PDE8B: variants seen among roughly 807,000 people sequenced by gnomAD.
The protein encoded by PDE8B is phosphodiesterase 8B, also known as high affinity cAMP-specific and IBMX-insensitive 3',5'-cyclic phosphodiesterase 8B.
PDE8B carries 26 observed loss-of-function variants against 101.3 expected under a neutral mutation model. The ratio of observed to expected loss-of-function variants is 0.26; its 90% confidence interval spans 0.19 to 0.36. The LOEUF (loss-of-function observed/expected upper bound fraction) is 0.36. Among genes scored for constraint, PDE8B ranks in the 10% least tolerant of loss-of-function variants. The pLI is 1.00. For synonymous variants in PDE8B, 424 were observed against 429.3 expected, an observed-to-expected ratio of 0.99 and a Z score of 0.15; for missense variants, 810 against 1,163.1, an observed-to-expected ratio of 0.70 and a Z score of 4.42.
chr5:77,137,281 G>C, the PDE8B span, among the ~76,000 whole-genome samples: 1 of 152,238 alleles, frequency 6.6e-6, no homozygotes, highest in Non-Finnish European at 1.5e-5. Flanking sequence ...CACCCCAGGA[G>C]AGACTGGCCT....
chr5:77,367,154 A>AAC (rs71736838), intron 10 of PDE8B, among the ~76,000 whole-genome samples: 3,102 of 144,892 alleles, frequency 0.021, 40 homozygotes, highest in South Asian at 0.03. Context: ...GTTTTCTCAA[A>AAC]ACACACACAC....
chr5:77,316,901 A>G (rs914179443), intron 2 of PDE8B, among the ~76,000 whole-genome samples: 2 of 152,230 alleles, frequency 1.3e-5, no homozygotes, highest in African/African-American at 4.8e-5. Context: ...CAAGTGGTAA[A>G]GAGTACCTCT....
At chr5:77,245,900 G>A (rs1190693792) in intron 1 of PDE8B, among the ~76,000 whole-genome samples, 1 of 126,880 alleles carries the variant, frequency 7.9e-6, no homozygotes, top group Non-Finnish European at 1.5e-5. Context: ...TGCCCAGGCT[G>A]GAGTGCAGTA....
intron 10 of PDE8B, among the ~76,000 whole-genome samples, chr5:77,372,766 C>G (rs193004267): frequency 1.3e-5 from 2 of 152,142 alleles, no homozygotes; most frequent in Non-Finnish European, 2.9e-5. Flanking sequence ...AGTGTAAGGC[C>G]AGGTGTCGTG....
the PDE8B span, among the ~76,000 whole-genome samples, chr5:77,162,259 T>A: frequency 6.6e-6 from 1 of 152,230 alleles, no homozygotes; most frequent in African/African-American, 2.4e-5. Flanking sequence ...TATAAAATAC[T>A]ACTGAGAGAA....
chr5:77,111,246 C>T, the PDE8B span, among the ~76,000 whole-genome samples: 1 of 152,104 alleles, frequency 6.6e-6, no homozygotes, highest in Non-Finnish European at 1.5e-5. Flanking sequence ...AGATGGGGCT[C>T]ATTCACAGAT....
intron 1 of PDE8B, among the ~76,000 whole-genome samples, chr5:77,299,409 C>T (rs1182643605): frequency 1.4e-5 from 2 of 146,350 alleles, no homozygotes; most frequent in Non-Finnish European, 3.0e-5. Context: ...TCTCCTAATG[C>T]TATCCCTCCC....
intron 10 of PDE8B, among the ~76,000 whole-genome samples, chr5:77,393,350 C>T (rs533348202): frequency 2.6e-5 from 4 of 151,284 alleles, no homozygotes; most frequent in Admixed American, 1.3e-4. Flanking sequence ...GCCAAGTTTG[C>T]ACCCACTGCT....
chr5:77,197,109 CTTTTTT>C, the PDE8B span, among the ~76,000 whole-genome samples: 4 of 94,668 alleles, frequency 4.2e-5, no homozygotes, highest in African/African-American at 1.1e-4. Flanking sequence ...TTAAAAAAAA[CTTTTTT>C]TTTTTTTTTT....
intron 10 of PDE8B, among the ~76,000 whole-genome samples, chr5:77,389,972 T>A (rs1461583631): frequency 6.6e-6 from 1 of 152,180 alleles, no homozygotes; most frequent in Non-Finnish European, 1.5e-5. Context: ...TTGGGCTGCG[T>A]AGTAGGTGGA....
At chr5:77,115,449 G>T in the PDE8B span, 1 of 152,198 alleles carries the variant, frequency 6.6e-6, no homozygotes, top group Non-Finnish European at 1.5e-5. Flanking sequence ...GGAATATAAG[G>T]CAGAGGGGAC....
chr5:77,283,318 A>G (rs1049387104), intron 1 of PDE8B, among the ~76,000 whole-genome samples: 2 of 152,162 alleles, frequency 1.3e-5, no homozygotes, highest in Non-Finnish European at 2.9e-5. Flanking sequence ...CATTTGTTAC[A>G]ATTGATGAGC....
Position 77,305,001 on chromosome 5 carries a change from C to G in PDE8B, c.340-6993C>G, listed in dbSNP as rs188834274. ...TGTTACCTTCCACGAGGTAAGTGTTCCACCGGTGTTTGTTGAGTAAATGGA... is the reference window on the plus strand; with the variant it reads ...TGTTACCTTCCACGAGGTAAGTGTTGCACCGGTGTTTGTTGAGTAAATGGA... On this transcript the variant is annotated intron_variant, in intron 1 of 21. Transcript: ENST00000264917. Among the ~76,000 whole-genome samples the G allele has an allele frequency of 1.6e-4, 24 of 152,138 alleles. 1 individual carries two copies. Among genetic ancestry groups the G allele is most frequent in the Middle Eastern group, 3.4e-3 (1 of 292 alleles).
intron 1 of PDE8B, among the ~76,000 whole-genome samples, chr5:77,217,656 C>T (rs1052258112): frequency 5.9e-5 from 9 of 152,034 alleles, no homozygotes; most frequent in African/African-American, 2.2e-4. Context: ...CTGCCTCAGC[C>T]TCCCGAGTAG....
At chr5:77,217,307 T>G (rs1744486078) in intron 1 of PDE8B, among the ~76,000 whole-genome samples, 1 of 152,108 alleles carries the variant, frequency 6.6e-6, no homozygotes, top group African/African-American at 2.4e-5. Context: ...TTCCATTTTT[T>G]TTCTCAGTTT....
intron 1 of PDE8B, among the ~76,000 whole-genome samples, chr5:77,272,825 G>T (rs573715255): frequency 1.3e-5 from 2 of 152,318 alleles, no homozygotes; most frequent in African/African-American, 4.8e-5. Context: ...GGTCAACTAG[G>T]AGGTTTCTGT....
chr5:77,137,358 A>G, the PDE8B span, among the ~76,000 whole-genome samples: 1 of 152,218 alleles, frequency 6.6e-6, no homozygotes, highest in Admixed American at 6.5e-5. Context: ...AGCAGAAAGC[A>G]TGATTGAGCT....
At chr5:77,261,706 T>C (rs1040741649) in intron 1 of PDE8B, among the ~76,000 whole-genome samples, 1 of 152,186 alleles carries the variant, frequency 6.6e-6, no homozygotes, top group Admixed American at 6.5e-5. Flanking sequence ...AGAAGGTTCC[T>C]AAGAGGATTC....
the PDE8B span, among the ~76,000 whole-genome samples, chr5:77,124,408 G>A: frequency 6.6e-6 from 1 of 152,132 alleles, no homozygotes; most frequent in Admixed American, 6.5e-5. Context: ...TGGGCAATGT[G>A]AAAATCCATC....
Sources: gnomAD v4.1 joint callset for allele counts (sites outside exome capture counted in the v4.1 genomes callset) on GRCh38, gnomAD v4.1.1 for gene constraint, MANE v1.5 for transcripts, NCBI Gene and HGNC (gene_info 2026-07-23, HGNC 2026-07-21) for gene names.